The following OR4K5 variants were observed in gnomAD, a reference collection of about 807,000 sequenced individuals.
OR4K5 encodes the protein olfactory receptor family 4 subfamily K member 5.
For missense variants in OR4K5, 520 were observed against 377.1 expected, an observed-to-expected ratio of 1.38 and a Z score of -3.14; for synonymous variants, 187 against 142.2, an observed-to-expected ratio of 1.31 and a Z score of -2.24.
At position 19,920,808 on chromosome 14, in the gene OR4K5, T is replaced by G. The variant is rs771382285; in HGVS notation, c.202T>G (p.Phe68Val). The G allele has an allele frequency of 6.2e-7, 1 of 1,614,234 alleles. No individual in the cohort carries two copies. The highest frequency in any genetic ancestry group is 2.2e-5 in the East Asian group (1 of 44,892). Reference protein sequence around the residue: ...PMYFLLGNLSFVDICQASFAT... With the variant: ...PMYFLLGNLSVVDICQASFAT... ...GTACTTTCTCTTGGGAAACCTTTCC[T>G]TTGTTGACATTTGTCAGGCTTCTTT... The change falls in exon 1 of 1, where the codon TTT (phenylalanine) becomes GTT (valine). Residue 68 changes from phenylalanine to valine, a missense_variant. By Grantham distance (50) the Phe-to-Val change is conservative. Coordinates refer to ENST00000315915, the MANE Select transcript of OR4K5 (RefSeq NM_001005483.1).
rs77615110 is a variant in OR4K5 at position 19,921,447 on chromosome 14, G to A, written c.841G>A (p.Val281Ile). ...LAIFYTVFTP[V>I]LNPIIYTLRN... ...CATATTTTACACTGTTTTCACCCCC[G>A]TCCTAAACCCCATTATTTATACACT... Residue 281 changes from valine to isoleucine, a missense_variant, in exon 1 of 1, where the codon GTC (valine) becomes ATC (isoleucine). By Grantham distance (29) the Val-to-Ile change is conservative (BLOSUM62 3). Transcript: ENST00000315915. 58,708 of 1,605,218 alleles carry A rather than the reference G, an allele frequency of 0.037. 3,553 individuals carry two copies. The East Asian group carries it at 0.46, about 13-fold the overall frequency.
chr14:19,920,794 T>C lies in OR4K5; in HGVS notation c.188T>C (p.Leu63Ser), dbSNP rs143676209. Residue 63 changes from leucine (L) to serine (S), a missense_variant, in exon 1 of 1, where the codon TTG becomes TCG. Physicochemically the swap from Leu to Ser is moderately radical, Grantham distance 145 (BLOSUM62 -2). Coordinates refer to ENST00000315915, the MANE Select transcript of OR4K5 (RefSeq NM_001005483.1). ...CTGCACTCCCCTATGTACTTTCTCT[T>C]GGGAAACCTTTCCTTTGTTGACATT... ...TSLHSPMYFL[L>S]GNLSFVDICQ... 484 of 1,614,156 alleles carry C rather than the reference T, an allele frequency of 3.0e-4. 3 individuals are homozygous for C. In the South Asian group the frequency reaches 4.4e-3, roughly 15 times the overall value.
In OR4K5 at chr14:19,921,466, A is replaced by T; in HGVS notation, c.860A>T (p.Tyr287Phe). Residue 287 changes from tyrosine to phenylalanine, a missense_variant, in exon 1 of 1, where the codon TAT becomes TTT. Transcript: ENST00000315915. ...VFTPVLNPIIYTLRNRDMKAA... is the reference protein window; with the variant it reads ...VFTPVLNPIIFTLRNRDMKAA... ...ACCCCCGTCCTAAACCCCATTATTT[A>T]TACACTAAGGAATAGGGATATGAAG... The T allele has an allele frequency of 6.2e-7, 1 of 1,614,058 alleles. No individual in the cohort carries two copies. Among genetic ancestry groups the T allele is most frequent in the South Asian group, 1.1e-5 (1 of 91,080 alleles).
Position 19,921,235 on chromosome 14 carries a change from C to A in OR4K5, c.629C>A (p.Thr210Asn), listed in dbSNP as rs535050727. The A allele has an allele frequency of 3.5e-5, 57 of 1,614,056 alleles. No individual in the cohort carries two copies. The highest frequency in any genetic ancestry group is 4.8e-5 in the Non-Finnish European group (57 of 1,179,982). The change falls in exon 1 of 1, where the codon ACT becomes AAT. Residue 210 changes from threonine to asparagine, a missense_variant. By Grantham distance (65) the Thr-to-Asn change is moderately conservative. Transcript: ENST00000315915. ...AATAGTGGAATTCTTTCCCTAAGCA[C>A]TTTCTCTCTCTTGGTCAGCTCCTAC... ...VVNSGILSLS[T>N]FSLLVSSYII...
At position 19,920,971 on chromosome 14, in the gene OR4K5, G is replaced by C. The variant is rs755932618; in HGVS notation, c.365G>C (p.Arg122Thr). 3 of 1,614,012 alleles carry C rather than the reference G, an allele frequency of 1.9e-6. No individual in the cohort carries two copies. Among genetic ancestry groups the C allele is most frequent in the African/African-American group, 2.7e-5 (2 of 74,926 alleles). ...MVLLVSMAYD[R>T]YVAICKPLYY... Reference sequence around the variant, plus strand: ...CTACTTGTTTCGATGGCCTATGACAGGTATGTAGCCATATGCAAACCCTTA... The same window carrying C: ...CTACTTGTTTCGATGGCCTATGACACGTATGTAGCCATATGCAAACCCTTA... The change falls in exon 1 of 1, where the codon AGG becomes ACG. Residue 122 changes from arginine (R) to threonine (T), a missense_variant. Transcript: ENST00000315915.
chr14:19,920,810 T>C lies in OR4K5; in HGVS notation c.204T>C (p.Phe68=), dbSNP rs140463383. The C allele has an allele frequency of 1.8e-4, 294 of 1,614,186 alleles. No homozygotes were observed. In the African/African-American group the frequency reaches 3.6e-3, roughly 20 times the overall value. Reference sequence around the variant, plus strand: ...ACTTTCTCTTGGGAAACCTTTCCTTTGTTGACATTTGTCAGGCTTCTTTTG... The same window carrying C: ...ACTTTCTCTTGGGAAACCTTTCCTTCGTTGACATTTGTCAGGCTTCTTTTG... ...PMYFLLGNLS[F]VDICQASFAT... The change falls in exon 1 of 1, where the codon TTT becomes TTC. Residue 68 remains phenylalanine, a synonymous_variant. Coordinates refer to ENST00000315915, the MANE Select transcript of OR4K5 (RefSeq NM_001005483.1).
In OR4K5 at chr14:19,921,148, TTCC is replaced by T. The variant is rs749028455; in HGVS notation, c.545_547del (p.Pro182del). The T allele has an allele frequency of 6.2e-7, 1 of 1,614,198 alleles. No individual in the cohort carries two copies. Among genetic ancestry groups the T allele is most frequent in the Non-Finnish European group, 8.5e-7 (1 of 1,179,998 alleles). On this transcript the variant is annotated inframe_deletion, in exon 1 of 1. Coordinates refer to ENST00000315915, the MANE Select transcript of OR4K5 (RefSeq NM_001005483.1). The stretch of plus-strand genomic sequence containing the variant: ...GTAGTAGACAGCTTTTTTTGTGATC[TTCC>T]TCGAGTCACCAAACTTGCCTGCCTG...
chr14:19,921,050 C>T lies in OR4K5; in HGVS notation c.444C>T (p.Ser148=). Residue 148 remains serine (S), a synonymous_variant, in exon 1 of 1, where the codon TCC becomes TCT. Transcript: ENST00000315915. ...CATGCACTGTCTTGGTAATGATCTC[C>T]TGGGCTGTGAGCTTGGTGCACACAT... ...RRTCTVLVMI[S]WAVSLVHTLS... The T allele has an allele frequency of 6.2e-7, 1 of 1,614,170 alleles. No homozygotes were observed. The highest frequency in any genetic ancestry group is 1.3e-5 in the African/African-American group (1 of 75,052).
Position 19,921,270 on chromosome 14 carries a change from C to A in OR4K5, c.664C>A (p.Leu222Ile). 6.2e-7 allele frequency: 1 copy of A among 1,614,140 alleles called. No individual in the cohort carries two copies. The highest frequency in any genetic ancestry group is 8.5e-7 in the Non-Finnish European group (1 of 1,179,982). ...CTTGGTCAGCTCCTACATCATTATT[C>A]TTGTTACAGTTTGGCTCAAGTCTTC... The part of the protein sequence containing the change: ...SLLVSSYIII[L>I]VTVWLKSSAA... Residue 222 changes from leucine to isoleucine, a missense_variant, in exon 1 of 1, where the codon CTT becomes ATT. Leu to Ile is a conservative substitution (Grantham distance 5, BLOSUM62 2). Transcript: ENST00000315915.
In OR4K5 at chr14:19,921,404, T is replaced by C. The variant is rs1881939223; in HGVS notation, c.798T>C (p.Pro266=). 6.2e-7 allele frequency: 1 copy of C among 1,614,048 alleles called. No individual in the cohort carries two copies. The highest frequency in any genetic ancestry group is 8.5e-7 in the Non-Finnish European group (1 of 1,180,002). The change falls in exon 1 of 1, where the codon CCT becomes CCC. Residue 266 remains proline, a synonymous_variant. Transcript: ENST00000315915. The part of the protein sequence containing the change: ...FIYVWPFTIS[P]LDKFLAIFYT... ...ATGTGTGGCCCTTTACCATCTCTCCTTTGGATAAATTTCTTGCCATATTTT... is the reference window on the plus strand; with the variant it reads ...ATGTGTGGCCCTTTACCATCTCTCCCTTGGATAAATTTCTTGCCATATTTT...
In OR4K5 at chr14:19,921,222, C is replaced by A. The variant is rs773061819; in HGVS notation, c.616C>A (p.Leu206Ile). The A allele has an allele frequency of 7.4e-6, 12 of 1,614,166 alleles. No homozygotes were observed. The highest frequency in any genetic ancestry group is 3.3e-5 in the South Asian group (3 of 91,084). The stretch of plus-strand genomic sequence containing the variant: ...ACTAATTGTGGTCAATAGTGGAATT[C>A]TTTCCCTAAGCACTTTCTCTCTCTT... ...EILIVVNSGI[L>I]SLSTFSLLVS... is the part of the protein sequence containing the mutation. The change falls in exon 1 of 1, where the codon CTT (leucine) becomes ATT (isoleucine). Residue 206 changes from leucine to isoleucine, a missense_variant. By Grantham distance (5) the Leu-to-Ile change is conservative. Coordinates refer to ENST00000315915, the MANE Select transcript of OR4K5 (RefSeq NM_001005483.1).
In OR4K5 at chr14:19,920,969, C is replaced by G. The variant is rs767613388; in HGVS notation, c.363C>G (p.Asp121Glu). ...EMVLLVSMAY[D>E]RYVAICKPLY... ...TGCTACTTGTTTCGATGGCCTATGA[C>G]AGGTATGTAGCCATATGCAAACCCT... The change falls in exon 1 of 1, where the codon GAC becomes GAG. Residue 121 changes from aspartate to glutamate, a missense_variant. Asp to Glu is a conservative substitution (Grantham distance 45). Coordinates refer to ENST00000315915, the MANE Select transcript of OR4K5 (RefSeq NM_001005483.1). 4.3e-6 allele frequency: 7 copies of G among 1,614,036 alleles called. No individual in the cohort carries two copies. The highest frequency in any genetic ancestry group is 5.9e-6 in the Non-Finnish European group (7 of 1,179,986).
At position 19,920,693 on chromosome 14, in the gene OR4K5, T is replaced by C. The variant is rs1881908654; in HGVS notation, c.87T>C (p.Cys29=). 3 of 1,614,100 alleles carry C rather than the reference T, an allele frequency of 1.9e-6. No homozygotes were observed. Among genetic ancestry groups the C allele is most frequent in the Non-Finnish European group, 2.5e-6 (3 of 1,179,958 alleles). The part of the protein sequence containing the change: ...SSQKLQLFYF[C]FFSVLYTVIV... ...AAAAACTCCAGCTTTTCTATTTTTG[T>C]TTCTTCTCTGTGTTGTATACAGTCA... The change falls in exon 1 of 1, where the codon TGT becomes TGC. Residue 29 remains cysteine (C), a synonymous_variant. Coordinates refer to ENST00000315915, the MANE Select transcript of OR4K5 (RefSeq NM_001005483.1).
rs1269643981 is a variant in OR4K5, at chr14:19,921,436, T to C, written c.830T>C (p.Val277Ala). Reference protein sequence around the residue: ...LDKFLAIFYTVFTPVLNPIIY... With the variant: ...LDKFLAIFYTAFTPVLNPIIY... ...AAATTTCTTGCCATATTTTACACTG[T>C]TTTCACCCCCGTCCTAAACCCCATT... The change falls in exon 1 of 1, where the codon GTT (valine) becomes GCT (alanine). Residue 277 changes from valine (V) to alanine (A), a missense_variant. By Grantham distance (64) the Val-to-Ala change is moderately conservative. Coordinates refer to ENST00000315915, the MANE Select transcript of OR4K5 (RefSeq NM_001005483.1). The C allele has an allele frequency of 6.2e-7, 1 of 1,614,138 alleles. No homozygotes were observed. The highest frequency in any genetic ancestry group is 8.5e-7 in the Non-Finnish European group (1 of 1,179,978).
Position 19,921,374 on chromosome 14 carries a change from C to A in OR4K5, c.768C>A (p.Phe256Leu). 6.2e-7 allele frequency: 1 copy of A among 1,614,162 alleles called. No homozygotes were observed. The highest frequency in any genetic ancestry group is 2.2e-5 in the East Asian group (1 of 44,886). Residue 256 changes from phenylalanine (F) to leucine (L), a missense_variant, in exon 1 of 1, where the codon TTC becomes TTA. Transcript: ENST00000315915. ...VVILFFGPCI[F>L]IYVWPFTISP... ...TATTATTCTTTGGACCTTGCATCTT[C>A]ATCTATGTGTGGCCCTTTACCATCT...
chr14:19,920,948 A>T lies in OR4K5; in HGVS notation c.342A>T (p.Leu114=), dbSNP rs1430349629. 1 of 1,614,144 alleles carries T rather than the reference A, an allele frequency of 6.2e-7. No homozygotes were observed. The highest frequency in any genetic ancestry group is 8.5e-7 in the Non-Finnish European group (1 of 1,179,972). Residue 114 remains leucine (L), a synonymous_variant, in exon 1 of 1, where the codon CTA becomes CTT. Transcript: ENST00000315915. ...TTTTTACTGGAGGGGAGATGGTGCT[A>T]CTTGTTTCGATGGCCTATGACAGGT... ...IHLFTGGEMV[L]LVSMAYDRYV...
rs551877292 is a variant in OR4K5 at position 19,920,781 on chromosome 14, A to G, written c.175A>G (p.Met59Val). ...VTSDTSLHSP[M>V]YFLLGNLSFV... The stretch of plus-strand genomic sequence containing the variant: ...TTCTGATACCAGCCTGCACTCCCCT[A>G]TGTACTTTCTCTTGGGAAACCTTTC... Residue 59 changes from methionine to valine, a missense_variant, in exon 1 of 1, where the codon ATG (methionine) becomes GTG (valine). By Grantham distance (21) the Met-to-Val change is conservative. Coordinates refer to ENST00000315915, the MANE Select transcript of OR4K5 (RefSeq NM_001005483.1). The G allele has an allele frequency of 2.0e-5, 32 of 1,614,098 alleles. No homozygotes were observed. Among genetic ancestry groups the G allele is most frequent in the African/African-American group, 6.7e-5 (5 of 75,030 alleles).
chr14:19,921,464 T>C lies in OR4K5; in HGVS notation c.858T>C (p.Ile286=). ...TVFTPVLNPI[I]YTLRNRDMKA... Reference sequence around the variant, plus strand: ...TCACCCCCGTCCTAAACCCCATTATTTATACACTAAGGAATAGGGATATGA... The same window carrying C: ...TCACCCCCGTCCTAAACCCCATTATCTATACACTAAGGAATAGGGATATGA... Residue 286 remains isoleucine (I), a synonymous_variant, in exon 1 of 1, where the codon ATT becomes ATC. Transcript: ENST00000315915. The C allele has an allele frequency of 6.2e-7, 1 of 1,614,102 alleles. No individual in the cohort carries two copies.
At position 19,921,356 on chromosome 14, in the gene OR4K5, C is replaced by A. The variant is rs369702179; in HGVS notation, c.750C>A (p.Phe250Leu). The A allele has an allele frequency of 5.9e-5, 96 of 1,614,022 alleles. No individual in the cohort carries two copies. Among genetic ancestry groups the A allele is most frequent in the Non-Finnish European group, 7.8e-5 (92 of 1,179,974 alleles). ...CCCATATTGCAGTAGTAATATTATT[C>A]TTTGGACCTTGCATCTTCATCTATG... ...LASHIAVVIL[F>L]FGPCIFIYVW... Residue 250 changes from phenylalanine (F) to leucine (L), a missense_variant, in exon 1 of 1, where the codon TTC becomes TTA. Physicochemically the swap from Phe to Leu is conservative, Grantham distance 22. Transcript: ENST00000315915.
Sources: allele counts gnomAD v4.1 joint callset, GRCh38; gene constraint gnomAD v4.1.1; transcripts MANE v1.5; gene names NCBI Gene and HGNC (gene_info 2026-07-23, HGNC 2026-07-21).